SGCG: variants seen among roughly 807,000 people sequenced by gnomAD.
The protein encoded by SGCG is gamma-sarcoglycan.
Under a neutral mutation model 29.3 loss-of-function variants are expected in SGCG, and 26 were observed. The observed-to-expected ratio is 0.89, with a 90% confidence interval of 0.65 to 1.23. The LOEUF (loss-of-function observed/expected upper bound fraction) is 1.23. Among genes scored for constraint, SGCG ranks in the 50% most tolerant of loss-of-function variants. The pLI is 0.00. For missense variants in SGCG, 353 were observed against 356.0 expected, an observed-to-expected ratio of 0.99 and a Z score of 0.07; for synonymous variants, 145 against 129.7, an observed-to-expected ratio of 1.12 and a Z score of -0.80.
intron 2 of SGCG, among the ~76,000 whole-genome samples, chr13:23,213,310 C>CTAAAAATA (rs1244760801): frequency 6.6e-6 from 1 of 152,048 alleles, no homozygotes; most frequent in Non-Finnish European, 1.5e-5. Context: ...CCCATCTCTA[C>CTAAAAATA]TAAAAATATA....
chr13:23,273,369 GA>G (rs1880941065), intron 4 of SGCG, among the ~76,000 whole-genome samples: 1 of 151,994 alleles, frequency 6.6e-6, no homozygotes, highest in African/African-American at 2.4e-5. Context: ...ATTTTTAGTA[GA>G]GATAGGGTTT....
intron 2 of SGCG, among the ~76,000 whole-genome samples, chr13:23,218,669 G>A (rs1392766008): frequency 6.6e-6 from 1 of 151,926 alleles, no homozygotes; most frequent in Non-Finnish European, 1.5e-5. Flanking sequence ...TATAACTGCT[G>A]ATTGAACAGA....
chr13:23,276,574 A>G (rs931364443), intron 4 of SGCG, among the ~76,000 whole-genome samples: 1 of 151,772 alleles, frequency 6.6e-6, no homozygotes, highest in African/African-American at 2.4e-5. Context: ...CTGGGACTAC[A>G]GGCGCACGCC....
At chr13:23,271,412 TA>T (rs138642899) in intron 4 of SGCG, among the ~76,000 whole-genome samples, 15 of 150,598 alleles carry the variant, frequency 1.0e-4, no homozygotes, top group East Asian at 5.8e-4. Context: ...GCTGATGAGC[TA>T]AAAAAAAAAT....
intron 5 of SGCG, among the ~76,000 whole-genome samples, chr13:23,290,244 T>C (rs1881648051): frequency 6.6e-6 from 1 of 152,174 alleles, no homozygotes; most frequent in African/African-American, 2.4e-5. Flanking sequence ...GCCAAGTGCA[T>C]GTCATGTCAG....
chr13:23,180,422 T>A (rs917126078), upstream of SGCG, among the ~76,000 whole-genome samples: 3 of 152,202 alleles, frequency 2.0e-5, no homozygotes, highest in Admixed American at 6.5e-5. Context: ...ATTATGGTGA[T>A]CTTTGTTTAA....
At chr13:23,265,328 C>T (rs1880595979) in intron 4 of SGCG, among the ~76,000 whole-genome samples, 1 of 152,108 alleles carries the variant, frequency 6.6e-6, no homozygotes. Context: ...CCTGTAATCC[C>T]AGCACTTTGG....
At chr13:23,237,952 A>G (rs1315655173) in intron 3 of SGCG, among the ~76,000 whole-genome samples, 1 of 152,186 alleles carries the variant, frequency 6.6e-6, no homozygotes, top group African/African-American at 2.4e-5. Context: ...ATAACATGAA[A>G]TTATAAAATC....
intron 6 of SGCG, among the ~76,000 whole-genome samples, chr13:23,310,340 C>G (rs933385433): frequency 4.6e-5 from 7 of 152,076 alleles, no homozygotes; most frequent in Admixed American, 3.9e-4. Context: ...CCCGCCTCGG[C>G]CTCCCAAAGT....
upstream of SGCG, among the ~76,000 whole-genome samples, chr13:23,176,742 A>G (rs1436466526): frequency 1.3e-5 from 2 of 152,078 alleles, no homozygotes; most frequent in Non-Finnish European, 2.9e-5. Flanking sequence ...GTTATTGTCG[A>G]TAGGTAAGGA....
At chr13:23,185,607 G>C (rs1565991009) in intron 1 of SGCG, among the ~76,000 whole-genome samples, 1 of 151,946 alleles carries the variant, frequency 6.6e-6, no homozygotes, top group African/African-American at 2.4e-5. Flanking sequence ...TTGAAAAAAA[G>C]AAAAAAAATC....
intron 6 of SGCG, among the ~76,000 whole-genome samples, chr13:23,313,785 C>G (rs1882692551): frequency 6.6e-6 from 1 of 152,098 alleles, no homozygotes; most frequent in Admixed American, 6.5e-5. Context: ...AGTATTGATC[C>G]TGGTTGTGTC....
intron 5 of SGCG, among the ~76,000 whole-genome samples, chr13:23,282,251 C>T (rs965364442): frequency 2.0e-5 from 3 of 152,158 alleles, no homozygotes; most frequent in Admixed American, 1.3e-4. Context: ...TGATGGTTCG[C>T]TTCTTGTTTT....
At chr13:23,266,212 C>T (rs1388214612) in intron 4 of SGCG, among the ~76,000 whole-genome samples, 4 of 150,998 alleles carry the variant, frequency 2.6e-5, no homozygotes, top group African/African-American at 7.3e-5. Context: ...GTGGAGGTTG[C>T]AGTGAGCCGA....
chr13:23,302,363 G>A (rs1228806940), intron 6 of SGCG, among the ~76,000 whole-genome samples: 1 of 151,856 alleles, frequency 6.6e-6, no homozygotes, highest in African/African-American at 2.4e-5. Context: ...GATCAAAACA[G>A]TATAGCTGTA....
the SGCG span, among the ~76,000 whole-genome samples, chr13:23,169,349 A>G: frequency 1.3e-5 from 2 of 149,882 alleles, no homozygotes; most frequent in Non-Finnish European, 3.0e-5. Flanking sequence ...TCATTCTTCC[A>G]TTTGTCAGGA....
intron 2 of SGCG, among the ~76,000 whole-genome samples, chr13:23,215,463 G>A (rs914624008): frequency 1.3e-5 from 2 of 151,966 alleles, no homozygotes; most frequent in African/African-American, 2.4e-5. Context: ...ATTCAGACTG[G>A]GTAAGGGTCT....
At chr13:23,166,873 G>A in the SGCG span, among the ~76,000 whole-genome samples, 2 of 152,112 alleles carry the variant, frequency 1.3e-5, no homozygotes, top group Admixed American at 6.5e-5. Flanking sequence ...ATAGAGAATG[G>A]GGTATCCATC....
chr13:23,312,352 A>C (rs1480221007), intron 6 of SGCG, among the ~76,000 whole-genome samples: 1 of 152,194 alleles, frequency 6.6e-6, no homozygotes. Context: ...AATCCGGTTG[A>C]TTTTGGTGTT....
Sources: gnomAD v4.1 joint callset for allele counts (sites outside exome capture counted in the v4.1 genomes callset) on GRCh38, gnomAD v4.1.1 for gene constraint, MANE v1.5 for transcripts, NCBI Gene and HGNC (gene_info 2026-07-23, HGNC 2026-07-21) for gene names.